ABCA1: variants seen among roughly 807,000 people sequenced by gnomAD.
ABCA1 encodes the protein phospholipid-transporting ATPase ABCA1.
Under a neutral mutation model 262.5 loss-of-function variants are expected in ABCA1, and 133 were observed. The ratio of observed to expected loss-of-function variants is 0.51; its 90% CI spans 0.44 to 0.59. The LOEUF (loss-of-function observed/expected upper bound fraction) is 0.59. Ranked by LOEUF, ABCA1 falls within the 20% of genes least tolerant of loss-of-function variation. The pLI, the probability that ABCA1 is intolerant of heterozygous loss-of-function variation, is 0.00. For synonymous variants in ABCA1, 1,022 were observed against 1,043.5 expected, an observed-to-expected ratio of 0.98 and a Z score of 0.40; for missense variants, 2,452 against 2,777.5, an observed-to-expected ratio of 0.88 and a Z score of 2.63.
At chr9:104,831,159 A>G in intron 13 of ABCA1, 58 bp from the exon 14 acceptor site, 1 of 1,445,900 alleles carries the variant, frequency 6.9e-7, no homozygotes. Context: ...TAAAAAAAAA[A>G]AAAAAAAAAA....
chr9:104,851,544 T>C (rs1222140467), intron 7 of ABCA1, among the ~76,000 whole-genome samples: 2 of 152,206 alleles, frequency 1.3e-5, no homozygotes, highest in Non-Finnish European at 2.9e-5. Flanking sequence ...AACATTCTAC[T>C]CCCTGTTCTT....
intron 1 of ABCA1, among the ~76,000 whole-genome samples, chr9:104,907,034 C>T (rs1387078904): frequency 6.6e-6 from 1 of 152,164 alleles, no homozygotes; most frequent in Non-Finnish European, 1.5e-5. Flanking sequence ...AAACCTTTTG[C>T]CAGCTCCTCA....
At chr9:104,811,018 C>A (rs1831234252) in intron 28 of ABCA1, 94 bp from the exon 29 acceptor site, 1 of 1,568,164 alleles carries the variant, frequency 6.4e-7, no homozygotes, top group East Asian at 2.2e-5. Flanking sequence ...GTCCAGCCCA[C>A]CTCCCCGACC....
intron 30 of ABCA1, among the ~76,000 whole-genome samples, chr9:104,807,875 C>T (rs5007365): frequency 0.011 from 1,410 of 127,620 alleles, 11 homozygotes; most frequent in East Asian, 0.043. Context: ...CACACACACA[C>T]ATATATATAT....
chr9:104,849,851 A>G (rs1296816930), intron 7 of ABCA1, among the ~76,000 whole-genome samples: 1 of 152,262 alleles, frequency 6.6e-6, no homozygotes, highest in Non-Finnish European at 1.5e-5. Flanking sequence ...GATAAATCTC[A>G]AGAACATAAT....
intron 19 of ABCA1, among the ~76,000 whole-genome samples, chr9:104,821,794 C>T (rs988118956): frequency 5.3e-5 from 8 of 152,314 alleles, no homozygotes; most frequent in Admixed American, 4.6e-4. Context: ...GTATGCCTAA[C>T]ATCGCATGCA....
intron 2 of ABCA1, among the ~76,000 whole-genome samples, chr9:104,899,375 T>C (rs936112325): frequency 1.3e-5 from 2 of 152,198 alleles, no homozygotes; most frequent in Admixed American, 1.3e-4. Flanking sequence ...GATAGTTCAT[T>C]CTTTTTCATT....
intron 1 of ABCA1, among the ~76,000 whole-genome samples, chr9:104,912,974 T>C (rs1410039121): frequency 1.3e-5 from 2 of 152,214 alleles, no homozygotes; most frequent in Non-Finnish European, 2.9e-5. Context: ...AAAACTTGGC[T>C]GGATAATGTT....
intron 15 of ABCA1, among the ~76,000 whole-genome samples, chr9:104,828,156 G>A (rs1258874807): frequency 6.6e-6 from 1 of 152,198 alleles, no homozygotes; most frequent in Non-Finnish European, 1.5e-5. Context: ...TTGCCCAGCT[G>A]TCAGTAGACG....
intron 11 of ABCA1, among the ~76,000 whole-genome samples, chr9:104,833,162 A>G (rs1216254918): frequency 1.3e-5 from 2 of 152,130 alleles, no homozygotes; most frequent in African/African-American, 2.4e-5. Flanking sequence ...TAAAGAGGGC[A>G]CTTTTATTTT....
chr9:104,821,272 A>G, intron 20 of ABCA1, 103 bp downstream of exon 20: 1 of 1,511,364 alleles, frequency 6.6e-7, no homozygotes, highest in Non-Finnish European at 8.9e-7. Context: ...AAGAAAAAAC[A>G]AAAACACAGC....
intron 11 of ABCA1, among the ~76,000 whole-genome samples, chr9:104,834,708 G>C (rs531332746): frequency 7.0e-6 from 1 of 143,566 alleles, no homozygotes; most frequent in Non-Finnish European, 1.5e-5. Context: ...CAGGTCCCGA[G>C]GATGGGTGGC....
Position 104,796,042 on chromosome 9 carries a change from G to A in ABCA1, c.5382+11C>T, listed in dbSNP as rs769803273. On this transcript the variant is annotated intron_variant, in intron 39 of 49. Coordinates refer to ENST00000374736, the MANE Select transcript of ABCA1 (RefSeq NM_005502.4). ...TCATCCCAGCAGGAGTGTTCTCTCTGCATGACTCACATTGTCGGTGAACAG... is the reference window on the plus strand; with the variant it reads ...TCATCCCAGCAGGAGTGTTCTCTCTACATGACTCACATTGTCGGTGAACAG... 1 of 1,612,304 alleles carries A rather than the reference G, an allele frequency of 6.2e-7. No individual in the cohort carries two copies. Among genetic ancestry groups the A allele is most frequent in the Non-Finnish European group, 8.5e-7 (1 of 1,179,950 alleles).
At position 104,795,853 on chromosome 9, in the gene ABCA1, A is replaced by G. The variant is rs577150888; in HGVS notation, c.5382+200T>C. On this transcript the variant is annotated intron_variant, in intron 39 of 49. Transcript: ENST00000374736. ...AAAAAAAACTGTCAAAAGAAACTGA[A>G]AGGCTTGACCAGCAAAATGTAAGGC... 3.3e-5 allele frequency among the ~76,000 whole-genome samples: 5 copies of G among 152,330 alleles called. No individual in the cohort carries two copies. In the East Asian group the frequency reaches 9.7e-4, roughly 29 times the overall value.
At chr9:104,875,690 A>T (rs2119151767) in intron 5 of ABCA1, among the ~76,000 whole-genome samples, 1 of 152,318 alleles carries the variant, frequency 6.6e-6, no homozygotes. Context: ...GAATCCCCCA[A>T]GTCAGGAGCC....
chr9:104,862,636 G>GCCCCCCACC (rs1836532053), intron 5 of ABCA1, among the ~76,000 whole-genome samples: 5 of 1,306 alleles, frequency 3.8e-3, no homozygotes, highest in Non-Finnish European at 0.011. Context: ...CAGACTGCCG[G>GCCCCCCACC]GCCGGGCCGG....
At chr9:104,922,162 A>G (rs1368708828) in intron 1 of ABCA1, among the ~76,000 whole-genome samples, 1 of 152,214 alleles carries the variant, frequency 6.6e-6, no homozygotes, top group African/African-American at 2.4e-5. Flanking sequence ...CTTTGCCTGA[A>G]TGCTATTTGT....
intron 2 of ABCA1, 60 bp from the exon 3 acceptor site, chr9:104,889,255 ACTGGGAT>A: frequency 6.4e-7 from 1 of 1,571,266 alleles, no homozygotes; most frequent in South Asian, 1.1e-5. Context: ...ATCCAATGCC[ACTGGGAT>A]CTGGGAAATC....
intron 43 of ABCA1, among the ~76,000 whole-genome samples, chr9:104,791,339 C>T (rs770124649): frequency 5.9e-5 from 9 of 152,156 alleles, no homozygotes; most frequent in African/African-American, 1.4e-4. Context: ...AGAACACAAA[C>T]GGAAACCAGA....
Sources: allele counts gnomAD v4.1 joint callset (sites outside exome capture counted in the v4.1 genomes callset), GRCh38; gene constraint gnomAD v4.1.1; transcripts MANE v1.5; gene names NCBI Gene and HGNC (gene_info 2026-07-23, HGNC 2026-07-21).